Variants in PIP4K2A observed in about 807,000 individuals in gnomAD.
PIP4K2A encodes the protein phosphatidylinositol 5-phosphate 4-kinase type-2 alpha.
In PIP4K2A, 14 loss-of-function variants were observed where a neutral mutation model predicts 42.9. The ratio of observed to expected loss-of-function variants is 0.33; its 90% CI spans 0.22 to 0.51. The LOEUF is 0.51. Among genes scored for constraint, PIP4K2A ranks in the 20% least tolerant of loss-of-function variants. The pLI, the probability that PIP4K2A is intolerant of heterozygous loss-of-function variation, is 0.97. For synonymous variants in PIP4K2A, 192 were observed against 192.2 expected, an observed-to-expected ratio of 1.00 and a Z score of 0.01; for missense variants, 434 against 519.8, an observed-to-expected ratio of 0.83 and a Z score of 1.61.
At chr10:22,647,163 T>C (rs1838902072) in intron 1 of PIP4K2A, among the ~76,000 whole-genome samples, 1 of 152,194 alleles carries the variant, frequency 6.6e-6, no homozygotes, top group Non-Finnish European at 1.5e-5. Flanking sequence ...ACTACTATTA[T>C]TATTACTCTC....
At chr10:22,655,673 A>C (rs1839085977) in intron 1 of PIP4K2A, among the ~76,000 whole-genome samples, 1 of 152,234 alleles carries the variant, frequency 6.6e-6, no homozygotes, top group South Asian at 2.1e-4. Flanking sequence ...CAAATATTTT[A>C]ATGAGTAGGT....
chr10:22,600,578 C>T (rs1837739148), intron 3 of PIP4K2A, among the ~76,000 whole-genome samples: 1 of 152,164 alleles, frequency 6.6e-6, no homozygotes, highest in Non-Finnish European at 1.5e-5. Context: ...TTTCCCCAAC[C>T]CTGGCTACCT....
At chr10:22,561,295 C>T (rs575828604) in intron 6 of PIP4K2A, among the ~76,000 whole-genome samples, 2 of 152,148 alleles carry the variant, frequency 1.3e-5, no homozygotes, top group South Asian at 4.1e-4. Flanking sequence ...AAAGTGATTC[C>T]ATTGTTAGAA....
chr10:22,677,895 A>G (rs1839588505), intron 1 of PIP4K2A, among the ~76,000 whole-genome samples: 1 of 152,170 alleles, frequency 6.6e-6, no homozygotes. Flanking sequence ...TGCTAAAGGG[A>G]GGCTGCGTGT....
intron 1 of PIP4K2A, among the ~76,000 whole-genome samples, chr10:22,693,156 T>A (rs1839908170): frequency 6.6e-6 from 1 of 152,198 alleles, no homozygotes; most frequent in African/African-American, 2.4e-5. Context: ...GATAGTTAGA[T>A]CACAGATTTG....
At position 22,536,513 on chromosome 10, in the gene PIP4K2A, C is replaced by T; in HGVS notation, c.*688G>A. 1 of 174,738 alleles carries T rather than the reference C, an allele frequency of 5.7e-6. No homozygotes were observed. Among genetic ancestry groups the T allele is most frequent in the Non-Finnish European group, 1.2e-5 (1 of 83,456 alleles). 10.8% of individuals were successfully genotyped at this position (174,738 alleles called of 1,614,324 possible). On this transcript the variant is annotated 3_prime_UTR_variant, in exon 10 of 10. Coordinates refer to ENST00000376573, the MANE Select transcript of PIP4K2A (RefSeq NM_005028.5). ...TCCTGACAAGGCTGGGGCCAGAACCCTGAACCAGTACACACGGAGACGCCA... is the reference window on the plus strand; with the variant it reads ...TCCTGACAAGGCTGGGGCCAGAACCTTGAACCAGTACACACGGAGACGCCA...
intron 1 of PIP4K2A, among the ~76,000 whole-genome samples, chr10:22,707,905 CT>C (rs1833850681): frequency 6.6e-6 from 1 of 152,260 alleles, no homozygotes; most frequent in East Asian, 1.9e-4. Context: ...TCATTTATTC[CT>C]TTAAAAGCCT....
intron 7 of PIP4K2A, among the ~76,000 whole-genome samples, chr10:22,544,029 C>CA (rs562516251): frequency 1.3e-3 from 191 of 152,322 alleles, no homozygotes; most frequent in African/African-American, 3.9e-3. Context: ...TGCTCTCTAT[C>CA]AGCTACCTCT....
intron 4 of PIP4K2A, among the ~76,000 whole-genome samples, chr10:22,583,873 G>A (rs1837332344): frequency 6.6e-6 from 1 of 152,238 alleles, no homozygotes; most frequent in Non-Finnish European, 1.5e-5. Flanking sequence ...CTCCTTCTAG[G>A]TCTGCCTTCC....
chr10:22,544,579 C>T (rs1836214444), intron 7 of PIP4K2A, among the ~76,000 whole-genome samples: 1 of 152,212 alleles, frequency 6.6e-6, no homozygotes, highest in Non-Finnish European at 1.5e-5. Flanking sequence ...CTGCCCACAC[C>T]TGCTCCCTCT....
At chr10:22,609,518 CTT>C in intron 2 of PIP4K2A, 100 bp downstream of exon 2, 1 of 717,948 alleles carries the variant, frequency 1.4e-6, no homozygotes, top group Non-Finnish European at 2.5e-6. Flanking sequence ...ATCAGCAAAA[CTT>C]TACTCCCACC....
chr10:22,657,369 A>T (rs2130824762), intron 1 of PIP4K2A, among the ~76,000 whole-genome samples: 1 of 152,392 alleles, frequency 6.6e-6, no homozygotes, highest in Non-Finnish European at 1.5e-5. Flanking sequence ...CCAGTCTTCC[A>T]TCAGCCCTTA....
At chr10:22,662,469 G>C (rs1839221200) in intron 1 of PIP4K2A, among the ~76,000 whole-genome samples, 1 of 152,170 alleles carries the variant, frequency 6.6e-6, no homozygotes, top group Non-Finnish European at 1.5e-5. Flanking sequence ...CTCTAAATTT[G>C]ATATTTGTGC....
intron 7 of PIP4K2A, among the ~76,000 whole-genome samples, chr10:22,545,375 G>A (rs894074673): frequency 6.6e-6 from 1 of 152,246 alleles, no homozygotes; most frequent in Non-Finnish European, 1.5e-5. Context: ...AGGGCTGTCT[G>A]TGATTAACTT....
In PIP4K2A at chr10:22,535,448, C is replaced by CAAAG. The variant is rs982148354; in HGVS notation, c.*1749_*1752dup. 3 of 152,334 alleles carry CAAAG rather than the reference C, an allele frequency of 2.0e-5. No individual in the cohort carries two copies. Among genetic ancestry groups the CAAAG allele is most frequent in the African/African-American group, 7.2e-5 (3 of 41,572 alleles). The allele number at this position is 152,334 out of a possible 1,614,324, so 9.4% of individuals were successfully genotyped here. On this transcript the variant is annotated 3_prime_UTR_variant, in exon 10 of 10. Coordinates refer to ENST00000376573, the MANE Select transcript of PIP4K2A (RefSeq NM_005028.5). ...TACGGAGGGCACGACTGCTGGCTTC[C>CAAAG]AAAGACTCTGTGAACTAGATCCACA...
chr10:22,658,859 T>C (rs1839151027), intron 1 of PIP4K2A, among the ~76,000 whole-genome samples: 1 of 152,204 alleles, frequency 6.6e-6, no homozygotes, highest in Non-Finnish European at 1.5e-5. Flanking sequence ...GTTACGTAAC[T>C]CACCCGAGGT....
At chr10:22,590,095 C>T (rs1250421172) in intron 4 of PIP4K2A, among the ~76,000 whole-genome samples, 2 of 152,128 alleles carry the variant, frequency 1.3e-5, no homozygotes, top group African/African-American at 4.8e-5. Context: ...ATGACCCTGC[C>T]AACACACGTG....
intron 2 of PIP4K2A, among the ~76,000 whole-genome samples, chr10:22,608,664 G>A (rs1837962815): frequency 6.6e-6 from 1 of 152,142 alleles, no homozygotes; most frequent in Non-Finnish European, 1.5e-5. Context: ...TTGAGGCCAG[G>A]AGTTTGAGGC....
intron 4 of PIP4K2A, among the ~76,000 whole-genome samples, chr10:22,580,886 C>T (rs1020073436): frequency 1.3e-5 from 2 of 152,198 alleles, no homozygotes; most frequent in Non-Finnish European, 2.9e-5. Flanking sequence ...TTTACAGACT[C>T]GACAGGTGCA....
Sources: gnomAD v4.1 joint callset for allele counts (sites outside exome capture counted in the v4.1 genomes callset) on GRCh38, gnomAD v4.1.1 for gene constraint, MANE v1.5 for transcripts, NCBI Gene and HGNC (gene_info 2026-07-23, HGNC 2026-07-21) for gene names.